The following COP1 variants were observed in gnomAD, a reference collection of about 807,000 sequenced individuals.
COP1 encodes the protein COP1 E3 ubiquitin ligase.
A neutral mutation model predicts 101.3 loss-of-function variants in COP1; 24 were observed. The ratio of observed to expected loss-of-function variants is 0.24; its 90% CI spans 0.17 to 0.33. The LOEUF (loss-of-function observed/expected upper bound fraction) is 0.33. COP1 is among the 10% of genes least tolerant of loss of function. The probability of loss-of-function intolerance (pLI) is 1.00; values close to 1 mark genes in which losing one functional copy is unlikely to be tolerated. For synonymous variants in COP1, 347 were observed against 341.9 expected, an observed-to-expected ratio of 1.01 and a Z score of -0.17; for missense variants, 663 against 906.2, an observed-to-expected ratio of 0.73 and a Z score of 3.45.
chr1:175,968,320 A>G, intron 18 of COP1: 1 of 349,708 alleles, frequency 2.9e-6, no homozygotes, highest in Non-Finnish European at 5.8e-6. Context: ...CCATTTAAAA[A>G]ATAATACAGT....
chr1:175,981,255 T>C (rs1571374424), intron 18 of COP1, among the ~76,000 whole-genome samples: 1 of 152,168 alleles, frequency 6.6e-6, no homozygotes. Context: ...GTAGAATTCA[T>C]GGTTTGCAAA....
intron 11 of COP1, among the ~76,000 whole-genome samples, chr1:176,076,173 T>A (rs1173148315): frequency 6.6e-6 from 1 of 151,506 alleles, no homozygotes; most frequent in Admixed American, 6.6e-5. Flanking sequence ...ATATACAAAC[T>A]CCTCATCTGT....
intron 14 of COP1, among the ~76,000 whole-genome samples, chr1:176,037,378 G>T (rs1669745720): frequency 6.6e-6 from 1 of 150,614 alleles, no homozygotes; most frequent in Non-Finnish European, 1.5e-5. Flanking sequence ...CTTCACTCCA[G>T]CCTGGGCGAC....
At chr1:175,995,559 C>G (rs376801100) in intron 15 of COP1, among the ~76,000 whole-genome samples, 46 of 151,538 alleles carry the variant, frequency 3.0e-4, no homozygotes, top group African/African-American at 1.0e-3. Flanking sequence ...AAATGATAAA[C>G]GGGATATCAC....
chr1:175,953,584 C>G (rs928998543), intron 18 of COP1, among the ~76,000 whole-genome samples: 2 of 151,548 alleles, frequency 1.3e-5, no homozygotes, highest in South Asian at 4.2e-4. Flanking sequence ...AAAGTGAGAC[C>G]CTGTCTTAAA....
At chr1:176,081,352 C>T in intron 10 of COP1, 65 bp from the exon 11 acceptor site, 4 of 1,266,784 alleles carry the variant, frequency 3.2e-6, no homozygotes, top group Non-Finnish European at 4.3e-6. Context: ...GTCAAAGAGC[C>T]ACATCCACAA....
intron 15 of COP1, among the ~76,000 whole-genome samples, chr1:175,993,741 A>G (rs1013750238): frequency 2.0e-5 from 3 of 152,216 alleles, no homozygotes; most frequent in African/African-American, 7.2e-5. Context: ...ATATGCGACT[A>G]TGTGAAAAGA....
intron 5 of COP1, among the ~76,000 whole-genome samples, chr1:176,161,680 A>C (rs78999728): frequency 0.024 from 3,698 of 152,294 alleles, 140 homozygotes; most frequent in African/African-American, 0.084. Flanking sequence ...TCACAAACAC[A>C]CACATACAGC....
chr1:175,968,694 T>G (rs1652617829), intron 18 of COP1, among the ~76,000 whole-genome samples: 1 of 152,314 alleles, frequency 6.6e-6, no homozygotes, highest in African/African-American at 2.4e-5. Context: ...AAAGTCAAAG[T>G]GATCCTTATT....
At chr1:175,949,168 C>CAAAAAAAAAAAAAAAAAAAAAAAA (rs56280543) in intron 18 of COP1, among the ~76,000 whole-genome samples, 4 of 43,158 alleles carry the variant, frequency 9.3e-5, no homozygotes, top group African/African-American at 4.1e-4. Context: ...GGCTCCGTCT[C>CAAAAAAAAAAAAAAAAAAAAAAAA]AAAAAAAAAA....
chr1:176,155,519 A>G (rs1693314344), intron 5 of COP1, among the ~76,000 whole-genome samples: 1 of 152,040 alleles, frequency 6.6e-6, no homozygotes, highest in Admixed American at 6.6e-5. Context: ...TTATAACAAC[A>G]TATGACTAGA....
intron 16 of COP1, 163 bp from the exon 17 acceptor site, chr1:175,988,575 G>T: frequency 3.4e-6 from 2 of 582,326 alleles, no homozygotes; most frequent in Non-Finnish European, 2.8e-6. Flanking sequence ...GCTCACGCTT[G>T]TATTCCAAGC....
chr1:176,032,344 C>G (rs532321503), intron 14 of COP1, among the ~76,000 whole-genome samples: 1 of 152,192 alleles, frequency 6.6e-6, no homozygotes, highest in East Asian at 1.9e-4. Flanking sequence ...TACTGTTTAC[C>G]AAATATAAAT....
Position 176,180,062 on chromosome 1 carries a change from CAA to C in COP1, c.468-4057_468-4056del, listed in dbSNP as rs1697539761. On this transcript the variant is annotated intron_variant, in intron 2 of 19. Coordinates refer to ENST00000367669, the MANE Select transcript of COP1 (RefSeq NM_022457.7). ...AGCATCTACTACTTCACTACCACCC[CAA>C]AAGAGACCTGCCTTAGTTTGAGAAA... 3.3e-5 allele frequency among the ~76,000 whole-genome samples: 5 copies of C among 152,278 alleles called. No homozygotes were observed. In the South Asian group the frequency reaches 1.0e-3, roughly 32 times the overall value.
rs543191344 is a variant in COP1, at chr1:176,004,503, C to G, written c.1730-15024G>C. On this transcript the variant is annotated intron_variant, in intron 15 of 19. Coordinates refer to ENST00000367669, the MANE Select transcript of COP1 (RefSeq NM_022457.7). ...GGCTGTGGGTTTGTCATAGATAGTT[C>G]TTATTATTTTGAAATACGTCCCATC... 2.7e-5 allele frequency among the ~76,000 whole-genome samples: 4 copies of G among 150,190 alleles called. No homozygotes were observed. In the South Asian group the frequency reaches 8.5e-4, roughly 32 times the overall value.
At chr1:176,184,803 C>CCTG in intron 1 of COP1, 111 bp from the exon 2 acceptor site, 1 of 712,906 alleles carries the variant, frequency 1.4e-6, no homozygotes, top group Non-Finnish European at 2.4e-6. Flanking sequence ...CAGTTTAGAG[C>CCTG]TAAGTCTATA....
At chr1:176,123,625 C>T (rs1049726181) in intron 8 of COP1, among the ~76,000 whole-genome samples, 5 of 151,920 alleles carry the variant, frequency 3.3e-5, no homozygotes, top group Non-Finnish European at 2.9e-5. Flanking sequence ...TTAACTTTTC[C>T]GGCCCTCTCA....
chr1:176,057,114 A>G (rs1442271528), intron 11 of COP1, among the ~76,000 whole-genome samples: 2 of 152,218 alleles, frequency 1.3e-5, no homozygotes, highest in East Asian at 1.9e-4. Flanking sequence ...TGCGTTTCCA[A>G]TATTTGCTGA....
intron 2 of COP1, among the ~76,000 whole-genome samples, chr1:176,179,988 C>T (rs1371878913): frequency 6.6e-6 from 1 of 152,074 alleles, no homozygotes; most frequent in African/African-American, 2.4e-5. Context: ...AAATTACATA[C>T]CACTGTATAC....
Sources: gnomAD v4.1 joint callset for allele counts (sites outside exome capture counted in the v4.1 genomes callset) on GRCh38, gnomAD v4.1.1 for gene constraint, MANE v1.5 for transcripts, NCBI Gene and HGNC (gene_info 2026-07-23, HGNC 2026-07-21) for gene names.